AATF: variants seen among roughly 807,000 people sequenced by gnomAD.
AATF encodes apoptosis antagonizing transcription factor, also known as protein AATF.
A neutral mutation model predicts 63.7 loss-of-function variants in AATF; 48 were observed. The observed-to-expected ratio is 0.75, with a 90% CI of 0.60 to 0.96. The LOEUF (loss-of-function observed/expected upper bound fraction) is 0.96, where lower values mean the gene tolerates loss of function less well. Among genes scored for constraint, AATF ranks in the 40% least tolerant of loss-of-function variants. The pLI, the probability that AATF is intolerant of heterozygous loss-of-function variation, is 0.00. For missense variants in AATF, 639 were observed against 685.7 expected (o/e 0.93, Z 0.76); for synonymous variants, 258 against 247.7 (o/e 1.04, Z -0.39).
chr17:36,970,429 A>C (rs1192496577), intron 4 of AATF, among the ~76,000 whole-genome samples: 1 of 152,172 alleles, frequency 6.6e-6, no homozygotes, highest in African/African-American at 2.4e-5. Flanking sequence ...AGTGGAATAG[A>C]ATAGAGAGTT....
Position 36,953,797 on chromosome 17 carries a change from G to C in AATF, c.722G>C (p.Arg241Thr). Reference protein sequence around the residue: ...IALWDQLLEGRIKLQKALLTT... With the variant: ...IALWDQLLEGTIKLQKALLTT... ...CTGTGGGACCAGCTCTTGGAAGGAA[G>C]GATCAAACTACAAAAAGCTCTGTTG... Residue 241 changes from arginine to threonine, a missense_variant, in exon 4 of 12, where the codon AGG becomes ACG. Arg to Thr is a moderately conservative substitution (Grantham distance 71). Coordinates refer to ENST00000619387, the MANE Select transcript of AATF (RefSeq NM_012138.4). 1 of 1,614,014 alleles carries C rather than the reference G, an allele frequency of 6.2e-7. No homozygotes were observed.
chr17:36,954,039 C>T, intron 4 of AATF, 132 bp downstream of exon 4: 1 of 902,814 alleles, frequency 1.1e-6, no homozygotes, highest in Non-Finnish European at 1.6e-6. Context: ...CTCTCCCCTC[C>T]CCATCCCCCT....
chr17:37,022,153 A>T (rs9911718), intron 10 of AATF, among the ~76,000 whole-genome samples: 20,533 of 114,138 alleles, frequency 0.18, 3,769 homozygotes, highest in African/African-American at 0.51. Flanking sequence ...TGTGTGTGTG[A>T]GAAACACAGT....
At chr17:37,035,227 A>T (rs1407228278) in intron 11 of AATF, among the ~76,000 whole-genome samples, 2 of 150,466 alleles carry the variant, frequency 1.3e-5, no homozygotes, top group African/African-American at 4.9e-5. Flanking sequence ...TCTTTTTATT[A>T]TTTTTTTTTG....
intron 8 of AATF, among the ~76,000 whole-genome samples, chr17:36,991,880 C>T (rs75390325): frequency 0.12 from 17,727 of 152,156 alleles, 1,315 homozygotes; most frequent in Non-Finnish European, 0.16. Flanking sequence ...CCACTGCACC[C>T]GGCCAGACAA....
chr17:37,031,785 A>C, intron 11 of AATF, 100 bp downstream of exon 11: 1 of 969,456 alleles, frequency 1.0e-6, no homozygotes, highest in South Asian at 1.3e-5. Flanking sequence ...TTATCAGTTA[A>C]CCATTTGTCA....
intron 4 of AATF, among the ~76,000 whole-genome samples, chr17:36,968,143 C>T (rs1002135448): frequency 4.4e-4 from 66 of 151,312 alleles, no homozygotes; most frequent in African/African-American, 1.5e-3. Context: ...TTCTTTTTCT[C>T]TTCAATTTTT....
chr17:36,952,864 T>C, intron 2 of AATF, 22 bp from the exon 3 acceptor site: 1 of 1,602,394 alleles, frequency 6.2e-7, no homozygotes, highest in Non-Finnish European at 8.5e-7. Flanking sequence ...ATTTTTCTCT[T>C]TCTTCCCTCT....
At chr17:37,030,543 A>G (rs1196032452) in intron 10 of AATF, among the ~76,000 whole-genome samples, 3 of 152,160 alleles carry the variant, frequency 2.0e-5, no homozygotes, top group Non-Finnish European at 4.4e-5. Flanking sequence ...GTATAAGGTC[A>G]TATATTTTCT....
chr17:36,982,350 A>T (rs1194581226), intron 4 of AATF, among the ~76,000 whole-genome samples: 6 of 135,910 alleles, frequency 4.4e-5, no homozygotes, highest in Admixed American at 2.3e-4. Flanking sequence ...GGATTTTTTT[A>T]TTTTTATTTT....
At chr17:36,996,035 C>T (rs146626327) in intron 8 of AATF, among the ~76,000 whole-genome samples, 5 of 152,202 alleles carry the variant, frequency 3.3e-5, no homozygotes, top group African/African-American at 7.2e-5. Flanking sequence ...TAAAATGTTG[C>T]TGTTATTTGA....
chr17:36,968,258 C>T lies in AATF; in HGVS notation c.832+14351C>T, dbSNP rs1418413117. ...ATTTTTTTCTTTTTTCTTTTTCTTT[C>T]TTTCCTTCTTTCTTTTTTTTTTTTT... On this transcript the variant is annotated intron_variant, in intron 4 of 11. Transcript: ENST00000619387. Among the ~76,000 whole-genome samples the T allele has an allele frequency of 4.0e-3, 288 of 72,286 alleles. 20 individuals carry two copies. The highest frequency in any genetic ancestry group is 7.6e-3 in the African/African-American group (134 of 17,622). 47.4% of individuals were successfully genotyped at this position (72,286 alleles called of 152,430 possible).
intron 4 of AATF, among the ~76,000 whole-genome samples, chr17:36,977,226 G>C (rs2071086119): frequency 6.6e-6 from 1 of 152,192 alleles, no homozygotes; most frequent in East Asian, 1.9e-4. Context: ...CAGGTGATGT[G>C]TTGGATGCTG....
intron 4 of AATF, among the ~76,000 whole-genome samples, chr17:36,978,591 G>A (rs113444043): frequency 3.3e-5 from 5 of 152,112 alleles, no homozygotes; most frequent in African/African-American, 1.2e-4. Context: ...TGGGACAGAA[G>A]TCCTCACACT....
chr17:37,039,699 T>A (rs1428285349), intron 11 of AATF, among the ~76,000 whole-genome samples: 1 of 152,164 alleles, frequency 6.6e-6, no homozygotes, highest in Non-Finnish European at 1.5e-5. Flanking sequence ...GCCAGTAATG[T>A]CAGAAAGGAC....
At chr17:37,016,711 CTTT>C (rs1008895980) in intron 8 of AATF, among the ~76,000 whole-genome samples, 2 of 143,064 alleles carry the variant, frequency 1.4e-5, no homozygotes. Context: ...TCTCAAATCT[CTTT>C]TTTTTTTTTT....
chr17:37,021,059 ATCTCGTCTCT>A, intron 10 of AATF, 45 bp downstream of exon 10: 1 of 1,337,562 alleles, frequency 7.5e-7, no homozygotes, highest in Non-Finnish European at 1.0e-6. Flanking sequence ...TTGTATATGT[ATCTCGTCTCT>A]TACATTCTGG....
At chr17:37,011,070 C>T (rs1291495523) in intron 8 of AATF, among the ~76,000 whole-genome samples, 1 of 152,122 alleles carries the variant, frequency 6.6e-6, no homozygotes, top group African/African-American at 2.4e-5. Context: ...CTCCAGTGTG[C>T]TCAAAAAATA....
intron 8 of AATF, among the ~76,000 whole-genome samples, chr17:37,017,340 T>G (rs1054874274): frequency 6.6e-6 from 1 of 152,200 alleles, no homozygotes; most frequent in Admixed American, 6.5e-5. Flanking sequence ...TTTATTATTA[T>G]TAACCACTCC....
Sources: allele counts gnomAD v4.1 joint callset (sites outside exome capture counted in the v4.1 genomes callset), GRCh38; gene constraint gnomAD v4.1.1; transcripts MANE v1.5; gene names NCBI Gene and HGNC (gene_info 2026-07-23, HGNC 2026-07-21).